Variants in CSMD1 observed in about 807,000 individuals in gnomAD.
CSMD1 encodes CUB and sushi domain-containing protein 1.
CSMD1 carries 213 observed loss-of-function variants against 417.5 expected under a neutral mutation model. That is an observed-to-expected ratio of 0.51 (90% CI 0.46 to 0.57). CSMD1 has a LOEUF of 0.57. CSMD1 is among the 20% of genes least tolerant of loss of function. CSMD1 has a pLI of 0.00. For synonymous variants in CSMD1, 2,862 were observed against 1,736.8 expected (o/e 1.65, Z -16.11); for missense variants, 6,923 against 4,529.7 (o/e 1.53, Z -15.17).
intron 3 of CSMD1, among the ~76,000 whole-genome samples, chr8:4,313,738 G>T (rs949338843): frequency 6.6e-6 from 1 of 151,988 alleles, no homozygotes; most frequent in Non-Finnish European, 1.5e-5. Context: ...GAACTAGGCC[G>T]GGCACAGTGG....
intron 3 of CSMD1, among the ~76,000 whole-genome samples, chr8:4,202,369 A>C (rs187243165): frequency 6.6e-6 from 1 of 152,312 alleles, no homozygotes; most frequent in Admixed American, 6.5e-5. Flanking sequence ...ATCATTCTGC[A>C]CACTTTTTTC....
intron 63 of CSMD1, among the ~76,000 whole-genome samples, chr8:2,956,312 T>A (rs991778475): frequency 6.6e-6 from 1 of 152,180 alleles, no homozygotes; most frequent in East Asian, 1.9e-4. Flanking sequence ...CTTTGAAATA[T>A]AATTTAGGAA....
At chr8:4,954,714 C>A (rs898383079) in intron 1 of CSMD1, among the ~76,000 whole-genome samples, 11 of 151,984 alleles carry the variant, frequency 7.2e-5, no homozygotes, top group Non-Finnish European at 1.6e-4. Flanking sequence ...TACATAAGCA[C>A]CATGGAAATA....
At chr8:4,067,038 A>C (rs1368760025) in intron 3 of CSMD1, among the ~76,000 whole-genome samples, 1 of 152,268 alleles carries the variant, frequency 6.6e-6, no homozygotes, top group South Asian at 2.1e-4. Flanking sequence ...GTGTATGATG[A>C]AAATCAAGTG....
At chr8:4,678,362 G>A (rs921005068) in intron 1 of CSMD1, among the ~76,000 whole-genome samples, 3 of 152,070 alleles carry the variant, frequency 2.0e-5, no homozygotes, top group Non-Finnish European at 1.5e-5. Flanking sequence ...AGTGAGCCAA[G>A]ATCATGTGAC....
At chr8:3,450,932 C>T (rs1815668028) in intron 12 of CSMD1, among the ~76,000 whole-genome samples, 1 of 152,036 alleles carries the variant, frequency 6.6e-6, no homozygotes, top group Admixed American at 6.6e-5. Flanking sequence ...GTCTCACCAA[C>T]AGTGTAAAAG....
intron 10 of CSMD1, among the ~76,000 whole-genome samples, chr8:3,524,531 G>A (rs567421144): frequency 0.011 from 1,423 of 133,638 alleles, 10 homozygotes; most frequent in South Asian, 0.033. Context: ...AAAGACATAC[G>A]CACACACAAG....
intron 10 of CSMD1, among the ~76,000 whole-genome samples, chr8:3,529,690 A>G (rs1797897384): frequency 6.6e-6 from 1 of 152,188 alleles, no homozygotes; most frequent in Admixed American, 6.5e-5. Context: ...TAAGCAACTC[A>G]TATGTACAAA....
At chr8:4,625,689 T>A (rs374897290) in intron 2 of CSMD1, among the ~76,000 whole-genome samples, 42 of 152,088 alleles carry the variant, frequency 2.8e-4, no homozygotes, top group African/African-American at 9.7e-4. Flanking sequence ...GCAAATATAA[T>A]GATTATCGTA....
chr8:4,407,123 C>G (rs748770304), intron 3 of CSMD1, among the ~76,000 whole-genome samples: 2 of 152,174 alleles, frequency 1.3e-5, no homozygotes, highest in African/African-American at 2.4e-5. Flanking sequence ...GTAGTTACCA[C>G]AGACACCAGA....
chr8:4,535,307 G>A lies in CSMD1; in HGVS notation c.302+102035C>T, dbSNP rs553902919. Among the ~76,000 whole-genome samples, 5 of 152,132 alleles carry A rather than the reference G, an allele frequency of 3.3e-5. No homozygotes were observed. In the South Asian group the frequency reaches 1.0e-3, roughly 32 times the overall value. ...GGGGGAAGTCAATTATTTGTTATCTGAAAAATAATATGTAGTTATAGAGAA... is the reference window on the plus strand; with the variant it reads ...GGGGGAAGTCAATTATTTGTTATCTAAAAAATAATATGTAGTTATAGAGAA... On this transcript the variant is annotated intron_variant, in intron 2 of 69. Transcript: ENST00000635120.
intron 2 of CSMD1, among the ~76,000 whole-genome samples, chr8:4,466,894 A>G (rs1800204910): frequency 6.6e-6 from 1 of 152,038 alleles, no homozygotes; most frequent in African/African-American, 2.4e-5. Context: ...TTTTAATTAT[A>G]TTGAAATTTT....
At chr8:4,688,158 G>C (rs993028391) in intron 1 of CSMD1, among the ~76,000 whole-genome samples, 1 of 152,044 alleles carries the variant, frequency 6.6e-6, no homozygotes, top group Non-Finnish European at 1.5e-5. Flanking sequence ...TAAGGTATTT[G>C]ATTCTAGGAG....
At chr8:4,307,900 G>T (rs570953249) in intron 3 of CSMD1, among the ~76,000 whole-genome samples, 32 of 152,158 alleles carry the variant, frequency 2.1e-4, no homozygotes, top group Non-Finnish European at 3.1e-4. Flanking sequence ...AGGCAGCAGA[G>T]GCACGTTTTT....
chr8:4,256,312 T>A (rs924138917), intron 3 of CSMD1, among the ~76,000 whole-genome samples: 2 of 152,192 alleles, frequency 1.3e-5, no homozygotes, highest in African/African-American at 4.8e-5. Flanking sequence ...TACAACAATT[T>A]TGCAGAAAGA....
At chr8:3,606,312 C>A (rs545801636) in intron 8 of CSMD1, among the ~76,000 whole-genome samples, 6 of 152,102 alleles carry the variant, frequency 3.9e-5, no homozygotes, top group Non-Finnish European at 7.4e-5. Flanking sequence ...GATGGTGTAG[C>A]CTGATACACA....
chr8:4,613,882 C>T (rs1327488598), intron 2 of CSMD1, among the ~76,000 whole-genome samples: 3 of 124,966 alleles, frequency 2.4e-5, no homozygotes, highest in African/African-American at 3.1e-5. Flanking sequence ...AAAAAGAAAA[C>T]GTTCCTCAAT....
At chr8:4,162,079 T>C (rs1032567871) in intron 3 of CSMD1, among the ~76,000 whole-genome samples, 1 of 152,192 alleles carries the variant, frequency 6.6e-6, no homozygotes, top group African/African-American at 2.4e-5. Flanking sequence ...CAAGTAAGCA[T>C]TAAGGCAACA....
intron 9 of CSMD1, among the ~76,000 whole-genome samples, chr8:3,579,657 C>T (rs549552076): frequency 1.3e-5 from 2 of 152,278 alleles, no homozygotes; most frequent in African/African-American, 2.4e-5. Context: ...CACCTGGTTC[C>T]AGGCCTGGCT....
Sources: allele counts gnomAD v4.1 joint callset (sites outside exome capture counted in the v4.1 genomes callset), GRCh38; gene constraint gnomAD v4.1.1; transcripts MANE v1.5; gene names NCBI Gene and HGNC (gene_info 2026-07-23, HGNC 2026-07-21).